Variants in VPS52 observed in about 807,000 individuals in gnomAD.
The protein encoded by VPS52 is vacuolar protein sorting-associated protein 52 homolog.
Under a neutral mutation model 98.7 loss-of-function variants are expected in VPS52, and 56 were observed. The observed-to-expected ratio is 0.57, with a 90% CI of 0.46 to 0.71. The LOEUF (loss-of-function observed/expected upper bound fraction) is 0.71, where lower values mean the gene tolerates loss of function less well. VPS52 is among the 30% of genes least tolerant of loss of function. VPS52 has a pLI of 0.00. For missense variants in VPS52, 742 were observed against 925.9 expected, an observed-to-expected ratio of 0.80 and a Z score of 2.58; for synonymous variants, 348 against 346.4, an observed-to-expected ratio of 1.00 and a Z score of -0.05.
At chr6:33,264,627 G>A (rs1193112612) in intron 13 of VPS52, 130 bp from the exon 14 acceptor site, 2 of 1,479,442 alleles carry the variant, frequency 1.4e-6, no homozygotes, top group African/African-American at 1.4e-5. Context: ...GTTGGAGAAA[G>A]GTGAGTCAAA....
Position 33,268,771 on chromosome 6 carries a change from A to G in VPS52, c.549-122T>C. 1 of 1,275,268 alleles carries G rather than the reference A, an allele frequency of 7.8e-7. No individual in the cohort carries two copies. The highest frequency in any genetic ancestry group is 1.5e-5 in the South Asian group (1 of 65,892). 79.0% of individuals were successfully genotyped at this position (1,275,268 alleles called of 1,614,324 possible). A position where few individuals can be genotyped will look rare whatever the true frequency, so the allele number is the denominator to read the frequency against. ...TCTACCACCTTGCATTGTACCATATAGTCAGGACACATGTACAAAGTTTTC... is the reference window on the plus strand; with the variant it reads ...TCTACCACCTTGCATTGTACCATATGGTCAGGACACATGTACAAAGTTTTC... On this transcript the variant is annotated intron_variant, in intron 6 of 19. Coordinates refer to ENST00000445902, the MANE Select transcript of VPS52 (RefSeq NM_022553.6). This position sits in a 1 kb window ranked among gnomAD's most constrained non-coding sequence, Gnocchi z 4.0.
rs9469393 is a variant in VPS52 at position 33,250,595 on chromosome 6, G to C, written c.*246C>G. On this transcript the variant is annotated 3_prime_UTR_variant, in exon 20 of 20. Transcript: ENST00000445902. ...GGTGACAGACTGGAGAAATGATAAAGGCCATTTTGGAAGCCCACAGGGAAG... is the reference window on the plus strand; with the variant it reads ...GGTGACAGACTGGAGAAATGATAAACGCCATTTTGGAAGCCCACAGGGAAG... The C allele has an allele frequency of 8.2e-4, 427 of 520,532 alleles. 3 individuals are homozygous for C. Among genetic ancestry groups the C allele is most frequent in the African/African-American group, 7.1e-3 (370 of 52,104 alleles). 32.2% of individuals were successfully genotyped at this position (520,532 alleles called of 1,614,324 possible).
intron 17 of VPS52, among the ~76,000 whole-genome samples, chr6:33,256,728 C>G (rs1482682115): frequency 6.6e-6 from 1 of 151,062 alleles, no homozygotes; most frequent in African/African-American, 2.4e-5. Context: ...GTAATCCTAG[C>G]TACTCAGGAG....
rs769998767 is a variant in VPS52, at chr6:33,263,467, T to C, written c.1794+17A>G. ...CAGCACAGAAGGCTGTCTCTTCCCTTTTCCCCACACCCCTACCTGTGTCCG... is the reference window on the plus strand; with the variant it reads ...CAGCACAGAAGGCTGTCTCTTCCCTCTTCCCCACACCCCTACCTGTGTCCG... On this transcript the variant is annotated intron_variant, in intron 17 of 19. Transcript: ENST00000445902. The C allele has an allele frequency of 6.2e-7, 1 of 1,611,288 alleles. No homozygotes were observed. The highest frequency in any genetic ancestry group is 8.5e-7 in the Non-Finnish European group (1 of 1,179,266).
At position 33,267,662 on chromosome 6, in the gene VPS52, G is replaced by A. The variant is rs1443397202; in HGVS notation, c.991+20C>T. On this transcript the variant is annotated intron_variant, in intron 10 of 19. Transcript: ENST00000445902. The surrounding 1 kb of genome is among the most constrained non-coding windows in gnomAD (Gnocchi z 4.2). ...CCCACTCTCAAGGCCTGGCATGAGG[G>A]TTCCCCAGTACTAGGATATCTTTCT... is the stretch of plus-strand genomic sequence containing the variant. 6.2e-7 allele frequency: 1 copy of A among 1,612,872 alleles called. No individual in the cohort carries two copies. Among genetic ancestry groups the A allele is most frequent in the South Asian group, 1.1e-5 (1 of 91,066 alleles).
intron 11 of VPS52, 150 bp from the exon 12 acceptor site, chr6:33,266,862 C>G (rs889272511): frequency 9.2e-7 from 1 of 1,087,398 alleles, no homozygotes; most frequent in South Asian, 2.0e-5. Context: ...TAAGAGCAAG[C>G]TGAATGGGCA....
At chr6:33,265,372 G>A (rs1191136610) in intron 12 of VPS52, among the ~76,000 whole-genome samples, 5 of 151,970 alleles carry the variant, frequency 3.3e-5, no homozygotes, top group Non-Finnish European at 2.9e-5. Context: ...CACTGCACCC[G>A]GTGTTTTCGG....
intron 17 of VPS52, among the ~76,000 whole-genome samples, chr6:33,263,032 A>T (rs528388355): frequency 6.6e-6 from 1 of 152,190 alleles, no homozygotes; most frequent in Non-Finnish European, 1.5e-5. Flanking sequence ...AACTTAGTGT[A>T]ATCGGATTGT....
intron 17 of VPS52, among the ~76,000 whole-genome samples, chr6:33,258,327 A>G (rs903183963): frequency 2.7e-5 from 4 of 149,200 alleles, no homozygotes; most frequent in African/African-American, 9.9e-5. Flanking sequence ...GCAGAGGTGC[A>G]GTGAGCTGAG....
intron 17 of VPS52, among the ~76,000 whole-genome samples, chr6:33,253,463 C>G (rs2150790456): frequency 1.4e-5 from 2 of 146,074 alleles, no homozygotes; most frequent in East Asian, 4.0e-4. Flanking sequence ...GCACTCCAGC[C>G]TGGAGGCAAC....
rs1764691793 is a variant in VPS52 at position 33,269,153 on chromosome 6, G to C, written c.409C>G (p.Leu137Val). Residue 137 changes from leucine (L) to valine (V), a missense_variant, in exon 6 of 20, where the codon CTC (leucine) becomes GTC (valine). Coordinates refer to ENST00000445902, the MANE Select transcript of VPS52 (RefSeq NM_022553.6). The stretch of plus-strand genomic sequence containing the variant: ...CGGATCTCAGAGCTGATGGAGCTGA[G>C]GTCACTCTGAAAAGCTCCCAACATC... ...EQMLGAFQSD[L>V]SSISSEIRTL... 6.2e-7 allele frequency: 1 copy of C among 1,612,916 alleles called. No homozygotes were observed. The highest frequency in any genetic ancestry group is 1.3e-5 in the African/African-American group (1 of 74,908).
intron 18 of VPS52, 77 bp from the exon 19 acceptor site, chr6:33,251,713 C>A: frequency 1.4e-6 from 2 of 1,407,638 alleles, no homozygotes; most frequent in South Asian, 1.2e-5. Context: ...CAAGGTATAG[C>A]CATCCTTATC....
rs750924102 is a variant in VPS52 at position 33,268,515 on chromosome 6, T to C, written c.683A>G (p.Asp228Gly). 6.2e-7 allele frequency: 1 copy of C among 1,604,692 alleles called. No homozygotes were observed. Among genetic ancestry groups the C allele is most frequent in the Non-Finnish European group, 8.5e-7 (1 of 1,174,502 alleles). ...ACTTCCCACCTTGACCCGGAGCCGA[T>C]CGAGCACGCCTCTGACATCTGCGCA... Reference protein sequence around the residue: ...AACADVRGVLDRLRVKAVTKI... With the variant: ...AACADVRGVLGRLRVKAVTKI... The change falls in exon 7 of 20, where the codon GAT becomes GGT. Residue 228 changes from aspartate to glycine, a missense_variant. Coordinates refer to ENST00000445902, the MANE Select transcript of VPS52 (RefSeq NM_022553.6). This position sits in a 1 kb window ranked among gnomAD's most constrained non-coding sequence, Gnocchi z 4.0.
intron 12 of VPS52, among the ~76,000 whole-genome samples, chr6:33,265,328 A>G (rs1444659296): frequency 2.0e-5 from 3 of 152,010 alleles, no homozygotes; most frequent in Non-Finnish European, 4.4e-5. Context: ...CGCCCACCTC[A>G]GCCTCCTAAA....
intron 17 of VPS52, among the ~76,000 whole-genome samples, chr6:33,263,078 TAAAGAAA>T (rs1763817943): frequency 6.6e-6 from 1 of 151,468 alleles, no homozygotes; most frequent in African/African-American, 2.4e-5. Flanking sequence ...AGAGGATAGA[TAAAGAAA>T]AAAATAAAAT....
chr6:33,268,525 C>G lies in VPS52; in HGVS notation c.673G>C (p.Gly225Arg). 1 of 1,611,572 alleles carries G rather than the reference C, an allele frequency of 6.2e-7. No individual in the cohort carries two copies. The highest frequency in any genetic ancestry group is 8.5e-7 in the Non-Finnish European group (1 of 1,179,126). Residue 225 changes from glycine (G) to arginine (R), a missense_variant, in exon 7 of 20, where the codon GGC becomes CGC. This residue lies in a region of VPS52 where 590 missense variants were observed against 793.3 expected (regional missense o/e 0.74). Coordinates refer to ENST00000445902, the MANE Select transcript of VPS52 (RefSeq NM_022553.6). The surrounding 1 kb of genome is among the most constrained non-coding windows in gnomAD (Gnocchi z 4.0). ...TTGACCCGGAGCCGATCGAGCACGCCTCTGACATCTGCGCAGGCTGCTGTG... is the reference window on the plus strand; with the variant it reads ...TTGACCCGGAGCCGATCGAGCACGCGTCTGACATCTGCGCAGGCTGCTGTG... ...RGTAACADVR[G>R]VLDRLRVKAV...
In VPS52 at chr6:33,270,256, G is replaced by A. The variant is rs780707610; in HGVS notation, c.118C>T (p.Leu40=). 1.2e-6 allele frequency: 2 copies of A among 1,613,360 alleles called. No individual in the cohort carries two copies. Among genetic ancestry groups the A allele is most frequent in the South Asian group, 2.2e-5 (2 of 91,076 alleles). ...GTGATATCCAACTCCCCAAGTTGCA[G>A]TGGTTCCTGGAGCCCAGGACCACCC... ...LAGGPGLQEP[L]QLGELDITSD... is the part of the protein sequence containing the mutation. The change falls in exon 2 of 20, where the codon CTG becomes TTG. Residue 40 remains leucine, a synonymous_variant. Coordinates refer to ENST00000445902, the MANE Select transcript of VPS52 (RefSeq NM_022553.6).
At chr6:33,253,373 C>T (rs1762542891) in intron 17 of VPS52, among the ~76,000 whole-genome samples, 1 of 151,518 alleles carries the variant, frequency 6.6e-6, no homozygotes, top group African/African-American at 2.4e-5. Context: ...GTCTATAATC[C>T]CAGCTACTCA....
chr6:33,259,108 A>G (rs1434585760), intron 17 of VPS52, among the ~76,000 whole-genome samples: 1 of 152,168 alleles, frequency 6.6e-6, no homozygotes, highest in African/African-American at 2.4e-5. Flanking sequence ...AACAGTTGCA[A>G]TGGCGGCCCT....
Sources: allele counts gnomAD v4.1 joint callset (sites outside exome capture counted in the v4.1 genomes callset), GRCh38; gene constraint gnomAD v4.1.1; regional missense constraint gnomAD v4.1.1; non-coding constraint Gnocchi (gnomAD v3.1); transcripts MANE v1.5; gene names NCBI Gene and HGNC (gene_info 2026-07-23, HGNC 2026-07-21).